The following IQCM variants were observed in gnomAD, a reference collection of about 807,000 sequenced individuals.
The protein encoded by IQCM is IQ motif containing M, also known as IQ domain-containing protein M.
In IQCM, 45 loss-of-function variants were observed where a neutral mutation model predicts 57.6. The observed-to-expected ratio is 0.78, with a 90% CI of 0.62 to 1.00. The LOEUF is 1.00. IQCM is among the 50% of genes least tolerant of loss of function. The pLI is 0.00. For missense variants in IQCM, 468 were observed against 511.6 expected, an observed-to-expected ratio of 0.91 and a Z score of 0.82; for synonymous variants, 148 against 158.9, an observed-to-expected ratio of 0.93 and a Z score of 0.51.
chr4:149,371,876 A>G (rs939200717), intron 13 of IQCM, among the ~76,000 whole-genome samples: 1 of 152,150 alleles, frequency 6.6e-6, no homozygotes, highest in Admixed American at 6.6e-5. Flanking sequence ...AAGGATGGCC[A>G]TTCCTAAAGA....
At chr4:149,448,975 GA>G (rs1452480224) in intron 12 of IQCM, among the ~76,000 whole-genome samples, 1 of 151,658 alleles carries the variant, frequency 6.6e-6, no homozygotes, top group African/African-American at 2.4e-5. Context: ...TTCATTATAT[GA>G]GTCAAAATAT....
chr4:149,424,157 G>T (rs1046477256), intron 13 of IQCM, among the ~76,000 whole-genome samples: 3 of 151,618 alleles, frequency 2.0e-5, no homozygotes, highest in Admixed American at 1.3e-4. Flanking sequence ...AACTATCAGA[G>T]ATTTCTCAAA....
Position 149,731,719 on chromosome 4 carries a change from GA to G in IQCM, c.385+1524del, listed in dbSNP as rs576025496. On this transcript the variant is annotated intron_variant, in intron 5 of 13. Coordinates refer to ENST00000636793, the MANE Select transcript of IQCM (RefSeq NM_001363507.2). Reference sequence around the variant, plus strand: ...CAAGGACATTAACTGGTATAATGTGGAAAAAAAATGGGGGTTCTTTGGCCAA... The same window carrying G: ...CAAGGACATTAACTGGTATAATGTGGAAAAAAATGGGGGTTCTTTGGCCAA... Among the ~76,000 whole-genome samples the G allele has an allele frequency of 4.0e-3, 602 of 151,846 alleles. 3 individuals carry two copies. Among genetic ancestry groups the G allele is most frequent in the African/African-American group, 0.013 (558 of 41,430 alleles).
At chr4:149,671,042 A>G (rs1761227945) in intron 7 of IQCM, among the ~76,000 whole-genome samples, 1 of 151,188 alleles carries the variant, frequency 6.6e-6, no homozygotes, top group Non-Finnish European at 1.5e-5. Context: ...TGTCGATTGG[A>G]AGAGTTTCAG....
intron 12 of IQCM, among the ~76,000 whole-genome samples, chr4:149,513,263 A>G (rs913428083): frequency 6.6e-6 from 1 of 152,198 alleles, no homozygotes; most frequent in African/African-American, 2.4e-5. Context: ...CTGAAGATGA[A>G]TGAGACTTCT....
intron 13 of IQCM, among the ~76,000 whole-genome samples, chr4:149,379,111 C>T (rs533444236): frequency 8.5e-5 from 13 of 152,282 alleles, no homozygotes; most frequent in South Asian, 4.1e-4. Context: ...TGGGAACCTC[C>T]GCCTAGATTT....
chr4:149,380,952 CCTCTTGCAAT>C (rs1370846436), intron 13 of IQCM, among the ~76,000 whole-genome samples: 1 of 152,118 alleles, frequency 6.6e-6, no homozygotes, highest in Non-Finnish European at 1.5e-5. Context: ...ATTTAATTGA[CCTCTTGCAAT>C]CTTTGCTTAG....
At chr4:149,385,874 C>T (rs1731388600) in intron 13 of IQCM, among the ~76,000 whole-genome samples, 2 of 152,028 alleles carry the variant, frequency 1.3e-5, no homozygotes, top group South Asian at 4.1e-4. Flanking sequence ...TAGATGAATG[C>T]CTATCATATA....
At chr4:149,522,322 T>C (rs1000991896) in intron 12 of IQCM, among the ~76,000 whole-genome samples, 2 of 151,938 alleles carry the variant, frequency 1.3e-5, no homozygotes, top group African/African-American at 4.8e-5. Flanking sequence ...ACCATAAGTA[T>C]GCAAAGGAAA....
intron 12 of IQCM, among the ~76,000 whole-genome samples, chr4:149,458,827 A>G (rs1737973287): frequency 6.6e-6 from 1 of 152,160 alleles, no homozygotes; most frequent in Admixed American, 6.6e-5. Flanking sequence ...TATAAAAACT[A>G]TTTAGTTTCC....
At chr4:149,487,891 A>T (rs1741693398) in intron 12 of IQCM, among the ~76,000 whole-genome samples, 1 of 152,060 alleles carries the variant, frequency 6.6e-6, no homozygotes, top group Non-Finnish European at 1.5e-5. Context: ...ATATGAAATT[A>T]AAATCAGGTA....
chr4:149,560,565 A>C (rs1750023840), intron 10 of IQCM, among the ~76,000 whole-genome samples: 1 of 152,186 alleles, frequency 6.6e-6, no homozygotes, highest in Non-Finnish European at 1.5e-5. Flanking sequence ...CTTATACCAA[A>C]ACACATGCAA....
At chr4:149,608,970 A>G (rs1755036074) in intron 8 of IQCM, among the ~76,000 whole-genome samples, 1 of 151,766 alleles carries the variant, frequency 6.6e-6, no homozygotes, top group Non-Finnish European at 1.5e-5. Context: ...TGGTATCTTA[A>G]AAGGACAACA....
At chr4:149,705,898 A>G (rs1444092779) in intron 5 of IQCM, among the ~76,000 whole-genome samples, 1 of 149,240 alleles carries the variant, frequency 6.7e-6, no homozygotes, top group Non-Finnish European at 1.5e-5. Flanking sequence ...TGACTTCCCA[A>G]CTGGAGAAGA....
chr4:149,806,310 T>C (rs1260345052), intron 2 of IQCM, among the ~76,000 whole-genome samples: 2 of 151,962 alleles, frequency 1.3e-5, no homozygotes, highest in Non-Finnish European at 2.9e-5. Context: ...CAAAGATTTA[T>C]CTTATTTTAC....
At chr4:149,688,271 A>C (rs1233125653) in intron 5 of IQCM, among the ~76,000 whole-genome samples, 1 of 152,058 alleles carries the variant, frequency 6.6e-6, no homozygotes, top group African/African-American at 2.4e-5. Context: ...TACAAGATTA[A>C]TGTACACAAA....
At chr4:149,519,813 G>A (rs947015522) in intron 12 of IQCM, among the ~76,000 whole-genome samples, 3 of 151,654 alleles carry the variant, frequency 2.0e-5, no homozygotes, top group Non-Finnish European at 4.4e-5. Flanking sequence ...GACCTTCCTG[G>A]CTAACACGGT....
intron 13 of IQCM, among the ~76,000 whole-genome samples, chr4:149,428,908 A>G (rs1426815847): frequency 6.6e-6 from 1 of 151,888 alleles, no homozygotes; most frequent in Non-Finnish European, 1.5e-5. Flanking sequence ...AAGTAGTAGA[A>G]CTAGAGGTCG....
At chr4:149,676,748 A>G (rs930201337) in intron 7 of IQCM, among the ~76,000 whole-genome samples, 3 of 152,096 alleles carry the variant, frequency 2.0e-5, no homozygotes, top group Admixed American at 1.3e-4. Context: ...GATAGAAATC[A>G]TAACTTGCCT....
Sources: gnomAD v4.1 joint callset for allele counts (sites outside exome capture counted in the v4.1 genomes callset) on GRCh38, gnomAD v4.1.1 for gene constraint, MANE v1.5 for transcripts, NCBI Gene and HGNC (gene_info 2026-07-23, HGNC 2026-07-21) for gene names.